Variants in ALG13 observed in about 807,000 individuals in gnomAD.
ALG13 encodes the protein ALG13 UDP-N-acetylglucosaminyltransferase subunit.
ALG13 carries 11 observed loss-of-function variants against 87.8 expected under a neutral mutation model. The observed-to-expected ratio is 0.13, with a 90% confidence interval of 0.08 to 0.21. The LOEUF is 0.21. Ranked by LOEUF, ALG13 falls within the 10% of genes least tolerant of loss-of-function variation. ALG13 has a pLI of 1.00. For synonymous variants in ALG13, 320 were observed against 306.3 expected, an observed-to-expected ratio of 1.04 and a Z score of -0.47; for missense variants, 756 against 866.1, an observed-to-expected ratio of 0.87 and a Z score of 1.60.
intron 3 of ALG13, among the ~76,000 whole-genome samples, chrX:111,693,263 T>A (rs1423375752): frequency 1.0e-4 from 11 of 105,250 alleles, no homozygotes; most frequent in South Asian, 4.4e-4. Flanking sequence ...GCTATTTATT[T>A]TTTTTTTTTT....
intron 25 of ALG13, among the ~76,000 whole-genome samples, chrX:111,753,593 T>TA (rs914516209): frequency 9.0e-5 from 10 of 111,262 alleles, no homozygotes; most frequent in African/African-American, 3.3e-4. Context: ...ATAGACACAA[T>TA]AAAAAATGAT....
At chrX:111,687,831 G>C (rs1935350738) in intron 3 of ALG13, 1 of 1,072,762 alleles carries the variant, frequency 9.3e-7, no homozygotes, top group Non-Finnish European at 1.2e-6. Context: ...GTGGGCAGCA[G>C]ATGAAGTATG....
chrX:111,744,920 G>A lies in ALG13; in HGVS notation c.2932+16G>A, dbSNP rs1944102856. On this transcript the variant is annotated intron_variant, in intron 24 of 26. Transcript: ENST00000394780. ...TTGCCTCAAGGTAAGTAGATTTTGA[G>A]ACTTAGGTGAGGGATCTGAGACTTA... 4 of 1,155,529 alleles carry A rather than the reference G, an allele frequency of 3.5e-6. No individual in the cohort carries two copies. Among genetic ancestry groups the A allele is most frequent in the Admixed American group, 4.4e-5 (2 of 45,223 alleles).
intron 3 of ALG13, among the ~76,000 whole-genome samples, chrX:111,701,994 C>G: frequency 9.0e-6 from 1 of 111,542 alleles, no homozygotes; most frequent in Non-Finnish European, 1.9e-5. Flanking sequence ...CTTTCTGTTA[C>G]TGATTTATAG....
At chrX:111,723,241 C>A (rs1163973283) in intron 13 of ALG13, among the ~76,000 whole-genome samples, 1 of 108,744 alleles carries the variant, frequency 9.2e-6, no homozygotes, top group East Asian at 2.9e-4. Flanking sequence ...GCAAGCTCTG[C>A]CTCCCGGGTT....
At position 111,752,819 on chromosome X, in the gene ALG13, C is replaced by T. The variant is rs1438821316; in HGVS notation, c.2962C>T (p.Leu988=). ...AAAAGTTTTGCAGTACTATTTCAAT[C>T]TAGGATTGCAGGTAAGTGCCATGTT... is the stretch of plus-strand genomic sequence containing the variant. The part of the protein sequence containing the change: ...DTKVLQYYFN[L]GLQCYYHSYW... Residue 988 remains leucine (L), a synonymous_variant, in exon 25 of 27, where the codon CTA becomes TTA. Coordinates refer to ENST00000394780, the MANE Select transcript of ALG13 (RefSeq NM_001099922.3). The T allele has an allele frequency of 8.4e-7, 1 of 1,193,234 alleles. No individual in the cohort carries two copies. The highest frequency in any genetic ancestry group is 2.2e-5 in the Admixed American group (1 of 44,865).
chrX:111,711,524 G>C (rs1344360734), intron 5 of ALG13, 151 bp from the exon 6 acceptor site: 5 of 447,465 alleles, frequency 1.1e-5, no homozygotes, highest in Non-Finnish European at 1.8e-5. Context: ...TTTTGTGTAT[G>C]TGCAAATCTT....
intron 2 of ALG13, among the ~76,000 whole-genome samples, chrX:111,683,811 A>G (rs1159999883): frequency 2.7e-5 from 3 of 111,652 alleles, no homozygotes; most frequent in African/African-American, 9.8e-5. Flanking sequence ...ATCCTTGACT[A>G]TTTCTGGGAT....
rs375022748 is a variant in ALG13 at position 111,698,470 on chromosome X, C to T, written c.384-9557C>T. 1.4e-4 allele frequency among the ~76,000 whole-genome samples: 16 copies of T among 111,320 alleles called. No homozygotes were observed. The East Asian group carries it at 1.7e-3, about 12-fold the overall frequency. ...AGATCCCAGAACTTATGTCCTCTGT[C>T]TGTCTGAAGCTTTGTACCCTTTGAT... On this transcript the variant is annotated intron_variant, in intron 3 of 26. Coordinates refer to ENST00000394780, the MANE Select transcript of ALG13 (RefSeq NM_001099922.3).
At chrX:111,690,475 G>T (rs1232948316) in intron 3 of ALG13, 1 of 603,918 alleles carries the variant, frequency 1.7e-6, no homozygotes, top group East Asian at 1.7e-4. Context: ...AGGAAAGAAA[G>T]CTCAAAGGAT....
At chrX:111,686,606 A>C (rs1044985443) in intron 3 of ALG13, among the ~76,000 whole-genome samples, 2 of 112,191 alleles carry the variant, frequency 1.8e-5, no homozygotes, top group Non-Finnish European at 3.8e-5. Flanking sequence ...CATAGAAGCC[A>C]GTCTTGAACT....
At position 111,744,758 on chromosome X, in the gene ALG13, C is replaced by A; in HGVS notation, c.2786C>A (p.Pro929Gln). ...CCACCACCACCACCACCACCACCAC[C>A]ACCACCACCACCTCCTCCTCCTCCT... ...PPPPPPPPPP[P>Q]PPPPPPPPPP... The change falls in exon 24 of 27, where the codon CCA (proline) becomes CAA (glutamine). Residue 929 changes from proline to glutamine, a missense_variant. Physicochemically the swap from Pro to Gln is moderately conservative, Grantham distance 76. Around this residue, in one of 9 missense-constraint regions of ALG13, gnomAD observed 362 missense variants for 383.5 expected, o/e 0.94. Transcript: ENST00000394780. 1 of 1,106,007 alleles carries A rather than the reference C, an allele frequency of 9.0e-7. No individual in the cohort carries two copies. Among genetic ancestry groups the A allele is most frequent in the Non-Finnish European group, 1.2e-6 (1 of 841,404 alleles). 91.1% of individuals were successfully genotyped at this position (1,106,007 alleles called of 1,213,427 possible).
chrX:111,701,614 T>C, intron 3 of ALG13, among the ~76,000 whole-genome samples: 2 of 112,061 alleles, frequency 1.8e-5, no homozygotes, highest in Middle Eastern at 9.2e-3. Context: ...CAATTTTGTT[T>C]ATCTTTTCAA....
chrX:111,724,110 A>G (rs775626816), intron 14 of ALG13, among the ~76,000 whole-genome samples: 1 of 112,351 alleles, frequency 8.9e-6, no homozygotes, highest in Admixed American at 9.4e-5. Context: ...AAATCTTAAG[A>G]CACTAGCCTA....
At chrX:111,738,742 G>A (rs774391687) in intron 23 of ALG13, among the ~76,000 whole-genome samples, 48 of 109,230 alleles carry the variant, frequency 4.4e-4, no homozygotes, top group Non-Finnish European at 8.0e-4. Context: ...TTGCCATGTT[G>A]CCCAAGCTGG....
At chrX:111,751,066 C>CTTT (rs58149728) in intron 24 of ALG13, among the ~76,000 whole-genome samples, 8 of 74,494 alleles carry the variant, frequency 1.1e-4, no homozygotes, top group Non-Finnish European at 1.7e-4. Context: ...ATAAGCATAA[C>CTTT]TTTTTTTTTT....
At chrX:111,730,931 A>G (rs1205257129) in intron 21 of ALG13, among the ~76,000 whole-genome samples, 1 of 112,237 alleles carries the variant, frequency 8.9e-6, no homozygotes, top group Non-Finnish European at 1.9e-5. Context: ...ATGGAAATTC[A>G]TCCACAATTG....
At chrX:111,711,376 A>G (rs1939744394) in intron 5 of ALG13, among the ~76,000 whole-genome samples, 1 of 112,447 alleles carries the variant, frequency 8.9e-6, no homozygotes, top group Admixed American at 9.4e-5. Context: ...TGCTTGATTT[A>G]TGAAAATTGT....
intron 1 of ALG13, 106 bp downstream of exon 1, chrX:111,681,405 C>T: frequency 8.5e-7 from 1 of 1,172,127 alleles, no homozygotes; most frequent in South Asian, 1.9e-5. Context: ...CGGAAAGAAA[C>T]CCCCGCAACT....
Sources: gnomAD v4.1 joint callset for allele counts (sites outside exome capture counted in the v4.1 genomes callset) on GRCh38, gnomAD v4.1.1 for gene constraint, gnomAD v4.1.1 regional missense constraint, MANE v1.5 for transcripts, NCBI Gene and HGNC (gene_info 2026-07-23, HGNC 2026-07-21) for gene names.